ABI3BP: variants seen among roughly 807,000 people sequenced by gnomAD.
The protein encoded by ABI3BP is ABI family member 3 binding protein.
ABI3BP carries 216 observed loss-of-function variants against 268.6 expected under a neutral mutation model. The ratio of observed to expected loss-of-function variants is 0.80; its 90% CI spans 0.72 to 0.90. The LOEUF is 0.90. ABI3BP is among the 40% of genes least tolerant of loss of function. ABI3BP has a pLI of 0.00. For synonymous variants in ABI3BP, 730 were observed against 730.0 expected (o/e 1.00, Z 0.00); for missense variants, 2,090 against 2,182.4 (o/e 0.96, Z 0.84).
intron 65 of ABI3BP, 41 bp downstream of exon 65, chr3:100,753,778 A>G (rs746328074): frequency 4.4e-6 from 7 of 1,603,096 alleles, no homozygotes; most frequent in African/African-American, 4.0e-5. Context: ...GAATAAATTT[A>G]GAAAAGCATG....
At chr3:100,974,634 G>A (rs2085216061) in intron 1 of ABI3BP, among the ~76,000 whole-genome samples, 1 of 152,048 alleles carries the variant, frequency 6.6e-6, no homozygotes, top group African/African-American at 2.4e-5. Context: ...GAACATTCTA[G>A]GGAGATGGAA....
intron 1 of ABI3BP, among the ~76,000 whole-genome samples, chr3:100,986,320 C>T (rs1243970693): frequency 6.6e-6 from 1 of 152,216 alleles, no homozygotes; most frequent in Non-Finnish European, 1.5e-5. Context: ...CTGGCCAGTA[C>T]CTTCACTGTT....
intron 1 of ABI3BP, among the ~76,000 whole-genome samples, chr3:100,992,818 C>G (rs115030048): frequency 1.3e-5 from 2 of 152,170 alleles, no homozygotes; most frequent in African/African-American, 4.8e-5. Flanking sequence ...AGCACATGAC[C>G]GTACTTTGGT....
At chr3:100,949,762 A>G (rs1584608833) in intron 1 of ABI3BP, among the ~76,000 whole-genome samples, 2 of 152,182 alleles carry the variant, frequency 1.3e-5, no homozygotes, top group Admixed American at 1.3e-4. Flanking sequence ...TGATATTTCC[A>G]TGATCTTGAG....
chr3:100,806,841 C>T (rs2097722988), intron 50 of ABI3BP, among the ~76,000 whole-genome samples: 1 of 151,102 alleles, frequency 6.6e-6, no homozygotes, highest in Admixed American at 6.6e-5. Context: ...AAGTCTAAGT[C>T]AAAATGAAAT....
rs774371657 is a variant in ABI3BP at position 100,848,808 on chromosome 3, G to A, written c.1569C>T (p.Thr523=). 56 of 1,612,094 alleles carry A rather than the reference G, an allele frequency of 3.5e-5. 1 individual carries two copies. In the South Asian group the frequency reaches 6.0e-4, roughly 17 times the overall value. The part of the protein sequence containing the change: ...KRRPRPKPPR[T]KPERTTSAGT... Reference sequence around the variant, plus strand: ...ATATAAAGAGACATTTACCAGGTTTGGTTCTTGGCGGTTTGGGCCGGGGGC... The same window carrying A: ...ATATAAAGAGACATTTACCAGGTTTAGTTCTTGGCGGTTTGGGCCGGGGGC... The change falls in exon 18 of 68, where the codon ACC becomes ACT. Residue 523 remains threonine (T), a synonymous_variant. Transcript: ENST00000471714.
chr3:100,912,549 TA>T (rs201351615), intron 2 of ABI3BP, among the ~76,000 whole-genome samples: 18 of 150,940 alleles, frequency 1.2e-4, no homozygotes, highest in South Asian at 1.0e-3. Context: ...CCCACAGAAT[TA>T]AAAAAAAACT....
Position 100,834,769 on chromosome 3 carries a change from T to A in ABI3BP, c.2196A>T (p.Pro732=). 3 of 1,535,634 alleles carry A rather than the reference T, an allele frequency of 2.0e-6. No individual in the cohort carries two copies. The highest frequency in any genetic ancestry group is 2.6e-6 in the Non-Finnish European group (3 of 1,146,506). The change falls in exon 29 of 68, where the codon CCA becomes CCT. Residue 732 remains proline (P), a synonymous_variant. Transcript: ENST00000471714. ...RTEATVTTLA[P]KTSQRTRTRR... is the part of the protein sequence containing the mutation. ...GTGTTCTTGTTCGTTGCGATGTTTT[T>A]GGAGCTAAAGAAAGGAAACTGGTTA...
At chr3:100,855,220 C>G (rs929780843) in intron 14 of ABI3BP, among the ~76,000 whole-genome samples, 1 of 152,166 alleles carries the variant, frequency 6.6e-6, no homozygotes. Context: ...GCCACTGTGT[C>G]CAGCCCTAAA....
At chr3:100,797,385 C>A (rs2152260207) in intron 51 of ABI3BP, among the ~76,000 whole-genome samples, 1 of 151,976 alleles carries the variant, frequency 6.6e-6, no homozygotes, top group South Asian at 2.1e-4. Context: ...ACTCAGTTTC[C>A]CCACAAACCT....
At chr3:100,864,209 A>T (rs2099027618) in intron 11 of ABI3BP, 133 bp from the exon 12 acceptor site, 1 of 664,378 alleles carries the variant, frequency 1.5e-6, no homozygotes, top group Non-Finnish European at 2.7e-6. Context: ...AATGGAAATA[A>T]CCTTCCCTGG....
chr3:100,955,413 G>T (rs1447792886), intron 1 of ABI3BP, among the ~76,000 whole-genome samples: 2 of 152,010 alleles, frequency 1.3e-5, no homozygotes, highest in Non-Finnish European at 2.9e-5. Flanking sequence ...CTATTTTTTT[G>T]CCCTGTAAAT....
chr3:100,975,954 T>A (rs2085984473), intron 1 of ABI3BP, among the ~76,000 whole-genome samples: 1 of 152,196 alleles, frequency 6.6e-6, no homozygotes, highest in Non-Finnish European at 1.5e-5. Flanking sequence ...ACTGGCCAAC[T>A]GGATAGAAAC....
At chr3:100,939,750 G>A (rs2153704612) in intron 1 of ABI3BP, among the ~76,000 whole-genome samples, 1 of 152,170 alleles carries the variant, frequency 6.6e-6, no homozygotes, top group East Asian at 1.9e-4. Context: ...AGGAGACAGG[G>A]TTTTGAGAGC....
intron 34 of ABI3BP, among the ~76,000 whole-genome samples, chr3:100,826,348 A>T (rs1279389141): frequency 6.6e-6 from 1 of 151,948 alleles, no homozygotes; most frequent in East Asian, 1.9e-4. Context: ...ATGGAAATTA[A>T]TTTTTTTTGT....
intron 41 of ABI3BP, 45 bp downstream of exon 41, chr3:100,818,480 A>G: frequency 6.8e-7 from 1 of 1,461,730 alleles, no homozygotes; most frequent in Non-Finnish European, 9.3e-7. Flanking sequence ...GTGGTATGAC[A>G]ATAAGCAGGA....
Position 100,850,642 on chromosome 3 carries a change from T to C in ABI3BP, c.1426+18A>G. On this transcript the variant is annotated intron_variant, in intron 16 of 67. Transcript: ENST00000471714. The stretch of plus-strand genomic sequence containing the variant: ...TTTGATGGAAAATAAAGTATGATTT[T>C]TCTGTTAAAAACATTACCCAGTGTT... 1.3e-6 allele frequency: 2 copies of C among 1,583,102 alleles called. No homozygotes were observed. The highest frequency in any genetic ancestry group is 1.7e-6 in the Non-Finnish European group (2 of 1,158,046).
At chr3:100,977,558 T>A (rs140718867) in intron 1 of ABI3BP, among the ~76,000 whole-genome samples, 2 of 152,206 alleles carry the variant, frequency 1.3e-5, no homozygotes, top group Non-Finnish European at 2.9e-5. Context: ...GACCTCTCCA[T>A]AGATCTGCGT....
chr3:100,818,648 C>A, intron 40 of ABI3BP, 67 bp from the exon 41 acceptor site: 1 of 1,235,248 alleles, frequency 8.1e-7, no homozygotes, highest in Non-Finnish European at 1.1e-6. Context: ...TATAATACTG[C>A]TTCAATCAGT....
Sources: allele counts gnomAD v4.1 joint callset (sites outside exome capture counted in the v4.1 genomes callset), GRCh38; gene constraint gnomAD v4.1.1; transcripts MANE v1.5; gene names NCBI Gene and HGNC (gene_info 2026-07-23, HGNC 2026-07-21).